Variants in ERICH1 observed in about 807,000 individuals in gnomAD.
ERICH1 encodes the protein glutamate-rich protein 1.
Under a neutral mutation model 39.6 loss-of-function variants are expected in ERICH1, and 56 were observed. That is an observed-to-expected ratio of 1.41 (90% confidence interval 1.14 to 1.77). The LOEUF (loss-of-function observed/expected upper bound fraction) is 1.77, where lower values mean the gene tolerates loss of function less well. ERICH1 is among the 40% of genes most tolerant of loss of function. The pLI is 0.00. For missense variants in ERICH1, 826 were observed against 575.4 expected, an observed-to-expected ratio of 1.44 and a Z score of -4.45; for synonymous variants, 313 against 223.6, an observed-to-expected ratio of 1.40 and a Z score of -3.57.
intron 1 of ERICH1, among the ~76,000 whole-genome samples, chr8:730,067 G>C (rs766960687): frequency 1.3e-5 from 2 of 152,146 alleles, no homozygotes; most frequent in Non-Finnish European, 2.9e-5. Flanking sequence ...CAGCCTGCCA[G>C]CCCTGCTTCC....
chr8:688,145 G>C (rs1234122496), intron 3 of ERICH1, among the ~76,000 whole-genome samples: 1 of 152,170 alleles, frequency 6.6e-6, no homozygotes, highest in Non-Finnish European at 1.5e-5. Context: ...CAACCCAGGC[G>C]GGGCAAGTGC....
At chr8:649,699 T>G (rs1349725669) in intron 3 of ERICH1, among the ~76,000 whole-genome samples, 1 of 152,130 alleles carries the variant, frequency 6.6e-6, no homozygotes, top group Non-Finnish European at 1.5e-5. Context: ...AGGCAGGAGC[T>G]GGAAGACGGG....
chr8:703,824 G>T (rs1420694346), intron 2 of ERICH1, among the ~76,000 whole-genome samples: 1 of 152,212 alleles, frequency 6.6e-6, no homozygotes. Context: ...ATGTCTGAAT[G>T]ACAGGAATTC....
At chr8:683,626 A>G (rs562417089) in intron 3 of ERICH1, among the ~76,000 whole-genome samples, 5 of 152,360 alleles carry the variant, frequency 3.3e-5, no homozygotes, top group African/African-American at 1.2e-4. Flanking sequence ...GCTGCAGGAC[A>G]TCATTTAGCT....
rs1385717670 is a variant in ERICH1 at position 673,959 on chromosome 8, T to C, written c.393A>G (p.Ile131Met). 1.2e-6 allele frequency: 2 copies of C among 1,604,338 alleles called. No homozygotes were observed. Among genetic ancestry groups the C allele is most frequent in the African/African-American group, 1.3e-5 (1 of 74,230 alleles). ...GCTGTTTCTCTAATTCTGCTTGTTC[T>C]ATAAGAACATTATTGGGATTTTTAA... ...KKFKNPNNVLIEQAELEKQQS... is the reference protein window; with the variant it reads ...KKFKNPNNVLMEQAELEKQQS... The change falls in exon 4 of 6, where the codon ATA becomes ATG. Residue 131 changes from isoleucine (I) to methionine (M), a missense_variant. Physicochemically the swap from Ile to Met is conservative, Grantham distance 10. Transcript: ENST00000262109.
intron 3 of ERICH1, among the ~76,000 whole-genome samples, chr8:650,493 G>C (rs1051793013): frequency 1.3e-5 from 2 of 152,174 alleles, no homozygotes; most frequent in Non-Finnish European, 2.9e-5. Flanking sequence ...CCTAACGTGA[G>C]GACGAAATGG....
chr8:626,156 G>A (rs1026561120), intron 3 of ERICH1: 3 of 152,118 alleles, frequency 2.0e-5, no homozygotes, highest in Admixed American at 6.5e-5. Flanking sequence ...TGCATATTTC[G>A]TGGCTGTTTT....
At chr8:632,299 G>A (rs550139384) in intron 3 of ERICH1, among the ~76,000 whole-genome samples, 19 of 151,390 alleles carry the variant, frequency 1.3e-4, no homozygotes, top group Admixed American at 2.6e-4. Context: ...CTTTCATCCA[G>A]TCTTGCTGAC....
intron 2 of ERICH1, among the ~76,000 whole-genome samples, chr8:699,399 C>A (rs748754948): frequency 3.3e-5 from 5 of 152,148 alleles, no homozygotes; most frequent in Non-Finnish European, 7.3e-5. Context: ...GTAATTAGAT[C>A]TGTATCAATG....
downstream of ERICH1, among the ~76,000 whole-genome samples, chr8:661,535 G>C (rs1180473558): frequency 6.6e-6 from 1 of 152,188 alleles, no homozygotes; most frequent in African/African-American, 2.4e-5. Context: ...TTCTCTGCCT[G>C]TCTTAATTGA....
At position 722,262 on chromosome 8, in the gene ERICH1, C is replaced by T. The variant is rs540180531; in HGVS notation, c.23-6255G>A. ...AACCTGCAGGAAAACAAATAAATGA[C>T]GAAGCAGGCCAAGCAATCAGCACCG... On this transcript the variant is annotated intron_variant, in intron 1 of 5. Transcript: ENST00000262109. Among the ~76,000 whole-genome samples, 22 of 151,104 alleles carry T rather than the reference C, an allele frequency of 1.5e-4. No homozygotes were observed. In the East Asian group the frequency reaches 3.3e-3, roughly 23 times the overall value.
rs1796849291 is a variant in ERICH1, at chr8:615,206, G to A, written c.*17C>T. On this transcript the variant is annotated 3_prime_UTR_variant, in exon 4 of 4. Transcript: ENST00000522706. ...TTCCTCTTGACCTGGAATTGTCCAA[G>A]TCAGCACCACAGCTGGTTAAGGCAG... The A allele has an allele frequency of 2.4e-5, 16 of 672,734 alleles. No individual in the cohort carries two copies. The East Asian group carries it at 4.1e-4, about 17-fold the overall frequency. 41.7% of individuals were successfully genotyped at this position (672,734 alleles called of 1,614,324 possible). A position where few individuals can be genotyped will look rare whatever the true frequency, so the allele number is the denominator to read the frequency against.
At chr8:635,945 T>A (rs577305697) in intron 3 of ERICH1, among the ~76,000 whole-genome samples, 1 of 152,210 alleles carries the variant, frequency 6.6e-6, no homozygotes, top group Non-Finnish European at 1.5e-5. Flanking sequence ...TGATTCCTCA[T>A]CCTGCGAGCC....
intron 2 of ERICH1, among the ~76,000 whole-genome samples, chr8:712,000 A>G (rs994686199): frequency 5.4e-4 from 82 of 152,254 alleles, no homozygotes; most frequent in African/African-American, 1.9e-3. Context: ...CCATTAATCT[A>G]TGTGTCTACT....
intron 3 of ERICH1, among the ~76,000 whole-genome samples, chr8:634,178 A>AAACAAAAAAAC (rs1798240835): frequency 7.1e-6 from 1 of 140,500 alleles, no homozygotes; most frequent in African/African-American, 2.7e-5. Flanking sequence ...CAAAAAAAAA[A>AAACAAAAAAAC]AAAAAAAACA....
chr8:619,308 C>T (rs1253325054), intron 3 of ERICH1, among the ~76,000 whole-genome samples: 1 of 152,098 alleles, frequency 6.6e-6, no homozygotes, highest in East Asian at 1.9e-4. Context: ...GAGGGGGGCC[C>T]GGTGAGACCT....
chr8:726,409 C>A (rs1337555610), intron 1 of ERICH1, among the ~76,000 whole-genome samples: 1 of 152,098 alleles, frequency 6.6e-6, no homozygotes, highest in South Asian at 2.1e-4. Context: ...CACAGACACA[C>A]ATGTACACCC....
chr8:709,683 A>G (rs950766500), intron 2 of ERICH1, among the ~76,000 whole-genome samples: 5 of 152,230 alleles, frequency 3.3e-5, no homozygotes, highest in African/African-American at 1.2e-4. Flanking sequence ...AAAAACTTCA[A>G]AGGCCAAGTG....
chr8:679,667 G>A (rs1049306369), intron 3 of ERICH1, among the ~76,000 whole-genome samples: 3 of 152,220 alleles, frequency 2.0e-5, no homozygotes, highest in African/African-American at 4.8e-5. Context: ...ATCGGATACC[G>A]GATACCTACA....
Sources: gnomAD v4.1 joint callset for allele counts (sites outside exome capture counted in the v4.1 genomes callset) on GRCh38, gnomAD v4.1.1 for gene constraint, MANE v1.5 for transcripts, NCBI Gene and HGNC (gene_info 2026-07-23, HGNC 2026-07-21) for gene names.